The following ANKFY1 variants were observed in gnomAD, a reference collection of about 807,000 sequenced individuals.
ANKFY1 encodes the protein ankyrin repeat and FYVE domain containing 1, also known as ankyrin repeat and FYVE domain-containing protein 1.
In ANKFY1, 47 loss-of-function variants were observed where a neutral mutation model predicts 128.3. That is an observed-to-expected ratio of 0.37 (90% CI 0.29 to 0.47). The LOEUF (loss-of-function observed/expected upper bound fraction) is 0.47, where lower values mean the gene tolerates loss of function less well. ANKFY1 is among the 20% of genes least tolerant of loss of function. The pLI, the probability that ANKFY1 is intolerant of heterozygous loss-of-function variation, is 1.00. For missense variants in ANKFY1, 1,222 were observed against 1,510.6 expected (o/e 0.81, Z 3.17); for synonymous variants, 553 against 601.6 (o/e 0.92, Z 1.18).
intron 1 of ANKFY1, among the ~76,000 whole-genome samples, chr17:4,257,784 T>C (rs969341479): frequency 6.6e-6 from 1 of 152,222 alleles, no homozygotes; most frequent in Admixed American, 6.5e-5. Flanking sequence ...TATTTAACTA[T>C]CAATTACTTC....
Position 4,167,985 on chromosome 17 carries a change from C to T in ANKFY1, c.3378-74G>A. On this transcript the variant is annotated intron_variant, in intron 24 of 24. Coordinates refer to ENST00000341657, the MANE Select transcript of ANKFY1 (RefSeq NM_001330063.2). The surrounding 1 kb of genome is among the most constrained non-coding windows in gnomAD (Gnocchi z 4.1). ...CTGCTTCCTGGCACGTGAGGACAAC[C>T]GCAGCAGGGCCTGGCAGCCAAGGCG... is the stretch of plus-strand genomic sequence containing the variant. The T allele has an allele frequency of 4.0e-6, 6 of 1,514,662 alleles. No homozygotes were observed. Among genetic ancestry groups the T allele is most frequent in the African/African-American group, 1.4e-5 (1 of 72,428 alleles). 93.8% of individuals were successfully genotyped at this position (1,514,662 alleles called of 1,614,324 possible). A position where few individuals can be genotyped will look rare whatever the true frequency, so the allele number is the denominator to read the frequency against.
chr17:4,261,540 T>G (rs544503593), intron 1 of ANKFY1, among the ~76,000 whole-genome samples: 2 of 152,358 alleles, frequency 1.3e-5, no homozygotes, highest in South Asian at 4.1e-4. Flanking sequence ...ACTGCTTACC[T>G]AGCTATCCCC....
At chr17:4,209,717 G>C in intron 5 of ANKFY1, 107 bp downstream of exon 5, 2 of 1,286,854 alleles carry the variant, frequency 1.6e-6, no homozygotes, top group Non-Finnish European at 2.1e-6. Context: ...TGTGTAACAA[G>C]AGAAAACCAG....
At chr17:4,221,738 C>G (rs1156460081) in intron 3 of ANKFY1, among the ~76,000 whole-genome samples, 2 of 152,166 alleles carry the variant, frequency 1.3e-5, no homozygotes, top group African/African-American at 4.8e-5. Flanking sequence ...CTGCCTCAGA[C>G]TCCCAAGTAG....
chr17:4,240,125 C>T (rs924332343), intron 2 of ANKFY1, among the ~76,000 whole-genome samples: 1 of 147,522 alleles, frequency 6.8e-6, no homozygotes. Flanking sequence ...CGTGCAGTGG[C>T]GCAATCTCGG....
In ANKFY1 at chr17:4,179,838, A is replaced by T. The variant is rs1384778445; in HGVS notation, c.2280T>A (p.Asn760Lys). Residue 760 changes from asparagine to lysine, a missense_variant, in exon 17 of 25, where the codon AAT becomes AAA. Physicochemically the swap from Asn to Lys is moderately conservative, Grantham distance 94 (BLOSUM62 0). Coordinates refer to ENST00000341657, the MANE Select transcript of ANKFY1 (RefSeq NM_001330063.2). The stretch of plus-strand genomic sequence containing the variant: ...CTCTAGCCTCTTCCTCTCCTTCTCC[A>T]TTGGCGCCTGGTTGTCTGGGACTGT... ...DVNSPRQPGA[N>K]GEGEEEARDG... is the part of the protein sequence containing the mutation. 1 of 1,614,082 alleles carries T rather than the reference A, an allele frequency of 6.2e-7. No individual in the cohort carries two copies. The highest frequency in any genetic ancestry group is 1.7e-5 in the Admixed American group (1 of 60,010).
At position 4,180,760 on chromosome 17, in the gene ANKFY1, CAA is replaced by C. The variant is rs11392631; in HGVS notation, c.2240+492_2240+493del. On this transcript the variant is annotated intron_variant, in intron 16 of 24. Transcript: ENST00000341657. ...TGGGTGAGAGAGCAAGACTCTGTCTCAAAAAAAAAAAAAAAAAAAAAAAAGAA... is the reference window on the plus strand; with the variant it reads ...TGGGTGAGAGAGCAAGACTCTGTCTCAAAAAAAAAAAAAAAAAAAAAAGAA... Among the ~76,000 whole-genome samples the C allele has an allele frequency of 1.9e-3, 113 of 58,022 alleles. 1 individual carries two copies. The highest frequency in any genetic ancestry group is 6.5e-3 in the African/African-American group (101 of 15,658). 38.1% of individuals were successfully genotyped at this position (58,022 alleles called of 152,430 possible). A position where few individuals can be genotyped will look rare whatever the true frequency, so the allele number is the denominator to read the frequency against.
intron 1 of ANKFY1, among the ~76,000 whole-genome samples, chr17:4,250,928 G>C (rs1228424189): frequency 6.6e-6 from 1 of 152,116 alleles, no homozygotes. Context: ...CATAACCACA[G>C]ACAGCTGATT....
intron 3 of ANKFY1, among the ~76,000 whole-genome samples, chr17:4,234,859 C>A (rs372121591): frequency 6.6e-6 from 1 of 152,022 alleles, no homozygotes; most frequent in Non-Finnish European, 1.5e-5. Flanking sequence ...TTAAGCTATA[C>A]GACACAATGC....
In ANKFY1 at chr17:4,169,936, T is replaced by C. The variant is rs2059284349; in HGVS notation, c.3287-648A>G. Among the ~76,000 whole-genome samples, 1 of 152,206 alleles carries C rather than the reference T, an allele frequency of 6.6e-6. No homozygotes were observed. Among genetic ancestry groups the C allele is most frequent in the Non-Finnish European group, 1.5e-5 (1 of 68,032 alleles). ...TACATAGACAGGTCCACTGAGCTCA[T>C]GGGGACGGAGCAGCACGTGAGTCCG... On this transcript the variant is annotated intron_variant, in intron 23 of 24. Coordinates refer to ENST00000341657, the MANE Select transcript of ANKFY1 (RefSeq NM_001330063.2). The surrounding 1 kb of genome is among the most constrained non-coding windows in gnomAD (Gnocchi z 5.0).
intron 9 of ANKFY1, 34 bp downstream of exon 9, chr17:4,195,369 C>T: frequency 1.3e-6 from 2 of 1,597,316 alleles, no homozygotes; most frequent in South Asian, 2.2e-5. Context: ...CCCCTCACAA[C>T]CGCCTTCTCA....
chr17:4,211,050 T>G lies in ANKFY1; in HGVS notation c.459-1103A>C, dbSNP rs79355905. On this transcript the variant is annotated intron_variant, in intron 4 of 24. Coordinates refer to ENST00000341657, the MANE Select transcript of ANKFY1 (RefSeq NM_001330063.2). Reference sequence around the variant, plus strand: ...CCATCAACAACAACAACAAAAAAAATAAAAAGAAAAAAAGAAAAAAGAAAA... The same window carrying G: ...CCATCAACAACAACAACAAAAAAAAGAAAAAGAAAAAAAGAAAAAAGAAAA... Among the ~76,000 whole-genome samples, 981 of 147,624 alleles carry G rather than the reference T, an allele frequency of 6.6e-3. 24 individuals are homozygous for G. The highest frequency in any genetic ancestry group is 0.052 in the Admixed American group (769 of 14,920).
intron 17 of ANKFY1, 138 bp downstream of exon 17, chr17:4,179,583 G>C (rs2059472187): frequency 1.8e-6 from 2 of 1,124,168 alleles, no homozygotes; most frequent in East Asian, 4.8e-5. Context: ...CTGAAATCAT[G>C]AACGCTGCTA....
intron 1 of ANKFY1, among the ~76,000 whole-genome samples, chr17:4,251,535 TA>T (rs71144176): frequency 0.35 from 45,724 of 130,782 alleles, 7,148 homozygotes; most frequent in Admixed American, 0.42. Context: ...AAATAAAAAT[TA>T]AAAAAAAAAA....
At chr17:4,254,303 C>CAAAAAAAA (rs572606909) in intron 1 of ANKFY1, among the ~76,000 whole-genome samples, 2 of 81,928 alleles carry the variant, frequency 2.4e-5, no homozygotes, top group African/African-American at 1.3e-4. Context: ...GACTCCATCT[C>CAAAAAAAA]AAAAAAAAAA....
intron 3 of ANKFY1, among the ~76,000 whole-genome samples, chr17:4,229,301 G>A (rs2060476213): frequency 6.6e-6 from 1 of 151,972 alleles, no homozygotes; most frequent in Non-Finnish European, 1.5e-5. Context: ...GCGGGCACCT[G>A]TAATCCCAGC....
At chr17:4,182,814 C>T (rs573466241) in intron 14 of ANKFY1, among the ~76,000 whole-genome samples, 2 of 152,130 alleles carry the variant, frequency 1.3e-5, no homozygotes, top group Non-Finnish European at 2.9e-5. Context: ...TTGTTAAAAA[C>T]TGATTTTAGG....
intron 12 of ANKFY1, among the ~76,000 whole-genome samples, 198 bp from the exon 13 acceptor site, chr17:4,184,108 C>CT (rs2059567685): frequency 6.6e-6 from 1 of 152,128 alleles, no homozygotes; most frequent in Non-Finnish European, 1.5e-5. Flanking sequence ...GAAAACGAAT[C>CT]TTTTTAAAGC....
chr17:4,184,048 G>T, intron 12 of ANKFY1, 138 bp from the exon 13 acceptor site: 1 of 692,402 alleles, frequency 1.4e-6, no homozygotes, highest in Non-Finnish European at 2.4e-6. Context: ...GATAAATCTT[G>T]TCAAGACTCA....
Sources: gnomAD v4.1 joint callset for allele counts (sites outside exome capture counted in the v4.1 genomes callset) on GRCh38, gnomAD v4.1.1 for gene constraint, Gnocchi (gnomAD v3.1) non-coding constraint, MANE v1.5 for transcripts, NCBI Gene and HGNC (gene_info 2026-07-23, HGNC 2026-07-21) for gene names.